CHRNA7: variants seen among roughly 807,000 people sequenced by gnomAD.
CHRNA7 encodes the protein neuronal acetylcholine receptor subunit alpha-7.
In CHRNA7, 17 loss-of-function variants were observed where a neutral mutation model predicts 48.0. That is an observed-to-expected ratio of 0.35 (90% CI 0.24 to 0.53). The LOEUF (loss-of-function observed/expected upper bound fraction) is 0.53. Among genes scored for constraint, CHRNA7 ranks in the 20% least tolerant of loss-of-function variants. The pLI is 0.92. For synonymous variants in CHRNA7, 75 were observed against 242.3 expected (o/e 0.31, Z 6.41); for missense variants, 155 against 577.7 (o/e 0.27, Z 7.50).
chr15:32,070,711 G>A (rs1442190506), intron 2 of CHRNA7, among the ~76,000 whole-genome samples: 1 of 94,326 alleles, frequency 1.1e-5, no homozygotes, highest in Non-Finnish European at 1.8e-5. Context: ...TTTTGAGACG[G>A]AGTCTTGCTC....
intron 2 of CHRNA7, among the ~76,000 whole-genome samples, chr15:32,041,177 C>A (rs2049442036): frequency 6.6e-6 from 1 of 152,020 alleles, no homozygotes; most frequent in South Asian, 2.1e-4. Flanking sequence ...TTCTGAGATT[C>A]CTGGATGTGT....
At chr15:32,127,034 A>G (rs532996976) in intron 4 of CHRNA7, among the ~76,000 whole-genome samples, 49 of 152,316 alleles carry the variant, frequency 3.2e-4, no homozygotes, top group Non-Finnish European at 6.2e-4. Flanking sequence ...GATCTCTTGC[A>G]CTATACCCTT....
At chr15:32,075,389 CT>C (rs1223669722) in intron 2 of CHRNA7, among the ~76,000 whole-genome samples, 1 of 152,058 alleles carries the variant, frequency 6.6e-6, no homozygotes, top group Non-Finnish European at 1.5e-5. Flanking sequence ...TGTTATAGGA[CT>C]TTTAAAATTA....
At chr15:32,032,372 G>A (rs1001467631) in intron 2 of CHRNA7, among the ~76,000 whole-genome samples, 1 of 152,118 alleles carries the variant, frequency 6.6e-6, no homozygotes, top group African/African-American at 2.4e-5. Flanking sequence ...GGTGGGTTCT[G>A]TCTGTGTTGG....
chr15:32,097,922 G>T (rs1440742348), intron 2 of CHRNA7, among the ~76,000 whole-genome samples: 4 of 152,200 alleles, frequency 2.6e-5, no homozygotes, highest in Admixed American at 6.5e-5. Context: ...GGATATTTGG[G>T]TGAAAGAGAA....
At chr15:32,085,700 C>T (rs2050284316) in intron 2 of CHRNA7, among the ~76,000 whole-genome samples, 1 of 152,226 alleles carries the variant, frequency 6.6e-6, no homozygotes, top group Admixed American at 6.5e-5. Flanking sequence ...TCCAGGAGGA[C>T]ACCTGATAGT....
intron 3 of CHRNA7, chr15:32,102,975 A>G (rs927378600): frequency 3.9e-5 from 6 of 152,222 alleles, no homozygotes; most frequent in African/African-American, 7.2e-5. Flanking sequence ...TTGCCACCCA[A>G]TTTGTAAGGT....
At chr15:32,113,059 T>TG (rs1477511799) in intron 4 of CHRNA7, among the ~76,000 whole-genome samples, 1 of 152,152 alleles carries the variant, frequency 6.6e-6, no homozygotes, top group Non-Finnish European at 1.5e-5. Context: ...TTCTGTTTCT[T>TG]GGGGGGCTGT....
chr15:32,030,486 T>A, upstream of CHRNA7: 1 of 1,167,466 alleles, frequency 8.6e-7, no homozygotes, highest in South Asian at 2.6e-5. Context: ...GCCCGGCTCC[T>A]TAAAGGCGCG....
chr15:32,104,163 A>G (rs1327253513), intron 3 of CHRNA7, among the ~76,000 whole-genome samples: 3 of 151,680 alleles, frequency 2.0e-5, no homozygotes, highest in African/African-American at 4.8e-5. Context: ...CTTGGATTCA[A>G]TTCCCTCCTT....
chr15:32,129,889 A>G (rs571743004), intron 4 of CHRNA7, among the ~76,000 whole-genome samples: 4 of 152,032 alleles, frequency 2.6e-5, no homozygotes, highest in South Asian at 2.1e-4. Context: ...TGTCATACAT[A>G]TTGATACATT....
At position 32,163,537 on chromosome 15, in the gene CHRNA7, C is replaced by T. The variant is rs1311069545; in HGVS notation, c.990+202C>T. On this transcript the variant is annotated intron_variant, in intron 9 of 9. Transcript: ENST00000306901. Reference sequence around the variant, plus strand: ...TAATCTTGGCTCACTGCAACCTCCACCTCCTGGATTCAAGCAATTCTCCTG... The same window carrying T: ...TAATCTTGGCTCACTGCAACCTCCATCTCCTGGATTCAAGCAATTCTCCTG... 2 of 177,886 alleles carry T rather than the reference C, an allele frequency of 1.1e-5. 1 individual carries two copies. Among genetic ancestry groups the T allele is most frequent in the Non-Finnish European group, 2.2e-5 (2 of 90,168 alleles). The allele number at this position is 177,886 out of a possible 1,614,324, so 11.0% of individuals were successfully genotyped here.
In CHRNA7 at chr15:32,031,020, C is replaced by G. The variant is rs1032521091; in HGVS notation, c.178C>G (p.Leu60Val). 5 of 1,614,108 alleles carry G rather than the reference C, an allele frequency of 3.1e-6. No homozygotes were observed. Among genetic ancestry groups the G allele is most frequent in the Admixed American group, 3.3e-5 (2 of 60,014 alleles). The change falls in exon 2 of 10, where the codon CTG (leucine) becomes GTG (valine). Residue 60 changes from leucine to valine, a missense_variant. Leu to Val is a conservative substitution (Grantham distance 32). Coordinates refer to ENST00000306901, the MANE Select transcript of CHRNA7 (RefSeq NM_000746.6). ...PLTVYFSLSL[L>V]QIMDVDEKNQ... The stretch of plus-strand genomic sequence containing the variant: ...CACCGTCTACTTCTCCCTGAGCCTC[C>G]TGCAGATCATGGACGTGGTGAGTCC...
chr15:32,140,714 A>T (rs1346222529), intron 4 of CHRNA7, among the ~76,000 whole-genome samples: 1 of 152,216 alleles, frequency 6.6e-6, no homozygotes, highest in Admixed American at 6.5e-5. Context: ...TTGTCTGCAT[A>T]AATGTCTTCT....
chr15:32,107,904 A>C (rs1160629715), intron 3 of CHRNA7, among the ~76,000 whole-genome samples: 1 of 152,164 alleles, frequency 6.6e-6, no homozygotes, highest in Non-Finnish European at 1.5e-5. Context: ...CTCAGGCCTC[A>C]GGCATGGTCA....
chr15:32,135,706 C>T (rs990560633), intron 4 of CHRNA7, among the ~76,000 whole-genome samples: 1 of 152,028 alleles, frequency 6.6e-6, no homozygotes, highest in Non-Finnish European at 1.5e-5. Flanking sequence ...AAACATACAT[C>T]CTCAGCTTCA....
chr15:32,107,770 T>C (rs1389048923), intron 3 of CHRNA7, among the ~76,000 whole-genome samples: 1 of 152,036 alleles, frequency 6.6e-6, no homozygotes, highest in African/African-American at 2.4e-5. Flanking sequence ...CTCGAGCCCC[T>C]TTCTCACCCC....
At chr15:32,059,911 AT>A (rs1257443284) in intron 2 of CHRNA7, among the ~76,000 whole-genome samples, 3 of 130,008 alleles carry the variant, frequency 2.3e-5, no homozygotes, top group African/African-American at 8.5e-5. Flanking sequence ...ACTGATTAGT[AT>A]CCTAAGATCT....
intron 4 of CHRNA7, among the ~76,000 whole-genome samples, chr15:32,138,910 C>T (rs572532703): frequency 2.6e-5 from 4 of 152,170 alleles, no homozygotes; most frequent in East Asian, 3.9e-4. Flanking sequence ...CACGCCACCA[C>T]GCCTGGCTAA....
Sources: allele counts gnomAD v4.1 joint callset (sites outside exome capture counted in the v4.1 genomes callset), GRCh38; gene constraint gnomAD v4.1.1; transcripts MANE v1.5; gene names NCBI Gene and HGNC (gene_info 2026-07-23, HGNC 2026-07-21).